STK26: variants seen among roughly 807,000 people sequenced by gnomAD.
The protein encoded by STK26 is serine/threonine-protein kinase 26.
STK26 carries 14 observed loss-of-function variants against 34.7 expected under a neutral mutation model. The observed-to-expected ratio is 0.40, with a 90% CI of 0.27 to 0.63. The LOEUF (loss-of-function observed/expected upper bound fraction) is 0.63, where lower values mean the gene tolerates loss of function less well. STK26 is among the 30% of genes least tolerant of loss of function. STK26 has a pLI of 0.38. For missense variants in STK26, 226 were observed against 309.1 expected, an observed-to-expected ratio of 0.73 and a Z score of 2.02; for synonymous variants, 100 against 109.8, an observed-to-expected ratio of 0.91 and a Z score of 0.56.
At chrX:132,033,231 C>T (rs1602744192) in intron 2 of STK26, among the ~76,000 whole-genome samples, 1 of 111,165 alleles carries the variant, frequency 9.0e-6, no homozygotes, top group South Asian at 3.8e-4. Flanking sequence ...TTCCCAAAGC[C>T]TCTGCCTCAT....
chrX:132,036,199 A>G (rs970349336), intron 2 of STK26, among the ~76,000 whole-genome samples: 1 of 112,339 alleles, frequency 8.9e-6, no homozygotes. Flanking sequence ...TCACTTTTCA[A>G]TTTCTAAAAT....
intron 11 of STK26, among the ~76,000 whole-genome samples, chrX:132,073,612 C>T (rs1021373468): frequency 1.8e-5 from 2 of 111,983 alleles, no homozygotes; most frequent in Admixed American, 9.5e-5. Context: ...TGATTTTGTT[C>T]GCATTCAAAA....
intron 3 of STK26, 138 bp from the exon 4 acceptor site, chrX:132,063,295 G>A (rs1346478979): frequency 1.9e-6 from 1 of 535,784 alleles, no homozygotes; most frequent in African/African-American, 2.3e-5. Context: ...GGGTTCAATT[G>A]TTTTAATTTT....
At chrX:132,069,443 A>C in intron 6 of STK26, 35 bp from the exon 7 acceptor site, 1 of 140,502 alleles carries the variant, frequency 7.1e-6, no homozygotes, top group Non-Finnish European at 1.2e-5. Flanking sequence ...ATATATATAT[A>C]TATATATATT....
At chrX:132,024,055 C>G (rs1602736176) in intron 2 of STK26, among the ~76,000 whole-genome samples, 1 of 111,225 alleles carries the variant, frequency 9.0e-6, no homozygotes. Flanking sequence ...CTACACCCCC[C>G]ACCCCAAACA....
chrX:132,032,646 T>C (rs906051752), intron 2 of STK26, among the ~76,000 whole-genome samples: 2 of 111,753 alleles, frequency 1.8e-5, no homozygotes, highest in East Asian at 2.8e-4. Flanking sequence ...CTGAAATGCA[T>C]TGAGTTCAAT....
intron 4 of STK26, among the ~76,000 whole-genome samples, chrX:132,066,013 A>T (rs1221059402): frequency 4.5e-5 from 5 of 111,633 alleles, no homozygotes; most frequent in Non-Finnish European, 7.5e-5. Context: ...GAACAAGAGG[A>T]AATAAGAGGG....
intron 4 of STK26, among the ~76,000 whole-genome samples, chrX:132,063,854 C>T (rs1927136755): frequency 8.9e-6 from 1 of 111,918 alleles, no homozygotes; most frequent in Admixed American, 9.5e-5. Context: ...ATAACTGTCA[C>T]TAAAAGTGTT....
chrX:132,058,016 C>A (rs987644526), intron 3 of STK26, among the ~76,000 whole-genome samples: 8 of 111,776 alleles, frequency 7.2e-5, no homozygotes, highest in African/African-American at 2.6e-4. Context: ...TAATTTCTAT[C>A]CAATTTCAGC....
intron 2 of STK26, among the ~76,000 whole-genome samples, chrX:132,046,383 A>G (rs773119987): frequency 9.0e-6 from 1 of 111,094 alleles, no homozygotes; most frequent in African/African-American, 3.3e-5. Context: ...GTCAGGAGAA[A>G]CTCCTCAAAC....
Position 132,075,571 on chromosome X carries a change from G to GT in STK26, c.*1414dup, listed in dbSNP as rs1216766313. On this transcript the variant is annotated 3_prime_UTR_variant, in exon 12 of 12. Transcript: ENST00000394334. Reference sequence around the variant, plus strand: ...AGATACTTGAGAAAGTTGTTGTGGTGTTGTATGCCAAGAAAATTCTTTTTA... The same window carrying GT: ...AGATACTTGAGAAAGTTGTTGTGGTGTTTGTATGCCAAGAAAATTCTTTTTA... 4 of 111,600 alleles carry GT rather than the reference G, an allele frequency of 3.6e-5. No homozygotes were observed. The highest frequency in any genetic ancestry group is 1.3e-4 in the African/African-American group (4 of 30,838). The allele number at this position is 111,600 out of a possible 1,213,427, so 9.2% of individuals were successfully genotyped here.
chrX:132,037,769 C>CT (rs755403402), intron 2 of STK26, among the ~76,000 whole-genome samples: 1,023 of 51,804 alleles, frequency 0.02, 25 homozygotes, highest in African/African-American at 0.03. Flanking sequence ...CGGAGAGCTG[C>CT]TTTTTTTTTT....
intron 2 of STK26, among the ~76,000 whole-genome samples, chrX:132,030,668 T>G (rs890418587): frequency 4.9e-5 from 5 of 101,919 alleles, no homozygotes; most frequent in Non-Finnish European, 9.8e-5. Context: ...GGTTCTACTG[T>G]TTTTTTTTTG....
In STK26 at chrX:132,069,644, TG is replaced by T; in HGVS notation, c.765del (p.Asn256ThrfsTer14). On this transcript the variant is annotated frameshift_variant, in exon 7 of 12. Coordinates refer to ENST00000394334, the MANE Select transcript of STK26 (RefSeq NM_016542.4). LOFTEE classifies it high-confidence loss of function. ...KSFKEFIDAC[L>X]NKDPSFRPTA... is the part of the protein sequence containing the mutation. ...TTTAAGGAGTTTATTGATGCTTGCC[TG>T]AACAAAGATCCATCATTTGTGAGTA... 1 of 1,127,798 alleles carries T rather than the reference TG, an allele frequency of 8.9e-7. No homozygotes were observed. The highest frequency in any genetic ancestry group is 2.3e-5 in the South Asian group (1 of 43,471). The allele number at this position is 1,127,798 out of a possible 1,213,427, so 92.9% of individuals were successfully genotyped here.
intron 2 of STK26, among the ~76,000 whole-genome samples, chrX:132,036,143 G>A (rs1226713160): frequency 9.0e-6 from 1 of 111,731 alleles, no homozygotes; most frequent in Non-Finnish European, 1.9e-5. Flanking sequence ...CAAACAATGT[G>A]AGCAAACTTG....
chrX:132,058,856 G>C (rs1485904050), intron 3 of STK26, among the ~76,000 whole-genome samples: 1 of 110,676 alleles, frequency 9.0e-6, no homozygotes, highest in East Asian at 2.8e-4. Context: ...GAAATGTGCA[G>C]CTGGCTTATG....
rs1032856601 is a variant in STK26 at position 132,041,856 on chromosome X, G to A, written c.43-12775G>A. ...GTTAAATTGATTTCTAAATAGACAA[G>A]GACTATAAATATCAACTAATATAAT... On this transcript the variant is annotated intron_variant, in intron 2 of 11. Transcript: ENST00000394334. Among the ~76,000 whole-genome samples the A allele has an allele frequency of 6.3e-5, 7 of 110,640 alleles. No homozygotes were observed. In the Admixed American group the frequency reaches 6.7e-4, roughly 11 times the overall value.
At chrX:132,050,614 C>T (rs1926653954) in intron 2 of STK26, among the ~76,000 whole-genome samples, 1 of 112,066 alleles carries the variant, frequency 8.9e-6, no homozygotes. Flanking sequence ...TGAACCTATA[C>T]AGTTAAAACC....
intron 2 of STK26, among the ~76,000 whole-genome samples, chrX:132,038,064 G>A (rs1334244943): frequency 9.1e-6 from 1 of 110,494 alleles, no homozygotes; most frequent in Non-Finnish European, 1.9e-5. Context: ...AGGCTGCGAT[G>A]TAAACCCTGC....
Sources: allele counts gnomAD v4.1 joint callset (sites outside exome capture counted in the v4.1 genomes callset), GRCh38; gene constraint gnomAD v4.1.1; transcripts MANE v1.5; gene names NCBI Gene and HGNC (gene_info 2026-07-23, HGNC 2026-07-21).